The following KIAA1217 variants were observed in gnomAD, a reference collection of about 807,000 sequenced individuals.
The protein encoded by KIAA1217 is sickle tail protein homolog.
KIAA1217 carries 88 observed loss-of-function variants against 163.9 expected under a neutral mutation model. The ratio of observed to expected loss-of-function variants is 0.54; its 90% confidence interval spans 0.45 to 0.64. The LOEUF is 0.64. Among genes scored for constraint, KIAA1217 ranks in the 30% least tolerant of loss-of-function variants. The probability of loss-of-function intolerance (pLI) is 0.00; values close to 1 mark genes in which losing one functional copy is unlikely to be tolerated. For missense variants in KIAA1217, 2,372 were observed against 2,475.0 expected (o/e 0.96, Z 0.88); for synonymous variants, 903 against 923.1 (o/e 0.98, Z 0.39).
intron 2 of KIAA1217, among the ~76,000 whole-genome samples, chr10:24,050,697 GT>G (rs897872411): frequency 2.6e-5 from 4 of 152,204 alleles, no homozygotes; most frequent in South Asian, 2.1e-4. Flanking sequence ...TGCTGTTTTG[GT>G]TACTGTAGCC....
intron 1 of KIAA1217, among the ~76,000 whole-genome samples, chr10:23,751,387 A>G (rs1839730476): frequency 6.6e-6 from 1 of 152,180 alleles, no homozygotes; most frequent in Admixed American, 6.5e-5. Context: ...TGTTGTCTAG[A>G]AAGTTTATTC....
chr10:24,213,407 C>A (rs1165864727), intron 1 of KIAA1217, among the ~76,000 whole-genome samples: 1 of 152,184 alleles, frequency 6.6e-6, no homozygotes, highest in East Asian at 1.9e-4. Context: ...TTGCCTTCCC[C>A]ACTGTCTGAT....
chr10:24,203,049 G>T (rs1050485914), intron 2 of KIAA1217, among the ~76,000 whole-genome samples: 4 of 152,040 alleles, frequency 2.6e-5, no homozygotes, highest in Non-Finnish European at 5.9e-5. Context: ...AATTAGCCAG[G>T]CATGGTGGAG....
intron 3 of KIAA1217, among the ~76,000 whole-genome samples, chr10:24,394,454 GTT>G (rs60728682): frequency 6.6e-6 from 1 of 150,448 alleles, no homozygotes; most frequent in African/African-American, 2.4e-5. Flanking sequence ...GTTTTGTTTT[GTT>G]TTTTTTTAAT....
In KIAA1217 at chr10:23,736,706, C is replaced by T. The variant is rs566827621; in HGVS notation, c.-321+41472C>T. On this transcript the variant is annotated intron_variant, in intron 1 of 18. Coordinates refer to the KIAA1217 transcript ENST00000376462. ...CCTGGCTAATTTAAAAAAAAATTTT[C>T]GTAGAGATGGAGTCTTGCTGTGTTG... Among the ~76,000 whole-genome samples the T allele has an allele frequency of 7.9e-5, 12 of 152,094 alleles. No homozygotes were observed. In the South Asian group the frequency reaches 1.5e-3, roughly 18 times the overall value.
intron 2 of KIAA1217, among the ~76,000 whole-genome samples, chr10:24,100,322 G>T (rs1305099185): frequency 6.6e-6 from 1 of 152,150 alleles, no homozygotes; most frequent in East Asian, 1.9e-4. Flanking sequence ...CGACCCATTG[G>T]GTGTATGCAG....
intron 2 of KIAA1217, among the ~76,000 whole-genome samples, chr10:24,342,900 G>A (rs1422160391): frequency 2.0e-5 from 3 of 151,902 alleles, no homozygotes; most frequent in Admixed American, 6.6e-5. Context: ...TCGGGGATCC[G>A]CCGACCTCTG....
intron 2 of KIAA1217, among the ~76,000 whole-genome samples, chr10:24,139,578 G>T (rs952857731): frequency 6.6e-6 from 1 of 152,004 alleles, no homozygotes; most frequent in Non-Finnish European, 1.5e-5. Context: ...AAGTTTGATG[G>T]TCTACCCAGT....
intron 1 of KIAA1217, among the ~76,000 whole-genome samples, chr10:23,717,221 T>C (rs949986043): frequency 3.3e-5 from 5 of 152,186 alleles, no homozygotes; most frequent in Non-Finnish European, 5.9e-5. Context: ...TACTTGGTTG[T>C]CCCCTGTGCT....
intron 1 of KIAA1217, among the ~76,000 whole-genome samples, chr10:23,782,214 T>G (rs192310426): frequency 5.3e-4 from 80 of 152,292 alleles, no homozygotes; most frequent in Admixed American, 2.0e-3. Flanking sequence ...ATCTTTCCAT[T>G]TATGTGTATC....
intron 2 of KIAA1217, among the ~76,000 whole-genome samples, chr10:24,011,775 G>A (rs1847243937): frequency 6.6e-6 from 1 of 152,152 alleles, no homozygotes; most frequent in African/African-American, 2.4e-5. Context: ...GTGTTGGGTT[G>A]TTCCCGTGGG....
intron 2 of KIAA1217, among the ~76,000 whole-genome samples, chr10:24,064,789 T>A (rs969860026): frequency 5.9e-5 from 9 of 152,216 alleles, no homozygotes; most frequent in African/African-American, 1.9e-4. Flanking sequence ...TTTTGGTTAG[T>A]AAGCTCTTAA....
chr10:23,825,597 T>G (rs1837861157), intron 1 of KIAA1217, among the ~76,000 whole-genome samples: 1 of 152,220 alleles, frequency 6.6e-6, no homozygotes, highest in South Asian at 2.1e-4. Flanking sequence ...CAGAACTGGT[T>G]ATTTGATGAT....
intron 2 of KIAA1217, among the ~76,000 whole-genome samples, chr10:24,182,096 T>C (rs908753676): frequency 6.6e-6 from 1 of 152,216 alleles, no homozygotes; most frequent in African/African-American, 2.4e-5. Context: ...TGATGCTTAG[T>C]GATGCACTGA....
Position 24,547,166 on chromosome 10 carries a change from T to C in KIAA1217, c.*842T>C, listed in dbSNP as rs900745642. ...AGACCTGGTAACCCACGCTCTTGCA[T>C]TGTGGATTTTAAAATGTATACTCTG... On this transcript the variant is annotated 3_prime_UTR_variant, in exon 21 of 21. Transcript: ENST00000376454. 3.3e-5 allele frequency: 5 copies of C among 151,920 alleles called. No individual in the cohort carries two copies. Among genetic ancestry groups the C allele is most frequent in the African/African-American group, 1.2e-4 (5 of 41,332 alleles). The allele number at this position is 151,920 out of a possible 1,614,324, so 9.4% of individuals were successfully genotyped here.
At chr10:24,382,960 A>T (rs981456742) in intron 3 of KIAA1217, among the ~76,000 whole-genome samples, 13 of 149,008 alleles carry the variant, frequency 8.7e-5, no homozygotes, top group Non-Finnish European at 1.9e-4. Context: ...GGATCCTCCC[A>T]TCTCAGCCTT....
At chr10:23,800,357 G>A (rs1375982290) in intron 1 of KIAA1217, among the ~76,000 whole-genome samples, 3 of 152,036 alleles carry the variant, frequency 2.0e-5, no homozygotes, top group Non-Finnish European at 2.9e-5. Flanking sequence ...GACAAAATAC[G>A]GAAACTAGAG....
In KIAA1217 at chr10:24,437,906, C is replaced by CAA. The variant is rs58645832; in HGVS notation, c.753-462_753-461dup. On this transcript the variant is annotated intron_variant, in intron 4 of 20. Coordinates refer to ENST00000376454, the MANE Select transcript of KIAA1217 (RefSeq NM_019590.5). ...TTCAGTTGCCGAAAGTGTTTGAAGGCAAAAAAAAAAAAAAAAAAAGAAAAA... is the reference window on the plus strand; with the variant it reads ...TTCAGTTGCCGAAAGTGTTTGAAGGCAAAAAAAAAAAAAAAAAAAAAGAAAAA... Among the ~76,000 whole-genome samples the CAA allele has an allele frequency of 6.2e-3, 394 of 63,684 alleles. 13 individuals carry two copies. Among genetic ancestry groups the CAA allele is most frequent in the East Asian group, 0.023 (54 of 2,370 alleles). 41.8% of individuals were successfully genotyped at this position (63,684 alleles called of 152,430 possible).
At chr10:24,410,111 C>G (rs1462083762) in intron 3 of KIAA1217, among the ~76,000 whole-genome samples, 2 of 151,498 alleles carry the variant, frequency 1.3e-5, no homozygotes, top group African/African-American at 4.9e-5. Flanking sequence ...ATTCTCCTGC[C>G]TCAGCCTCCT....
Sources: gnomAD v4.1 joint callset for allele counts (sites outside exome capture counted in the v4.1 genomes callset) on GRCh38, gnomAD v4.1.1 for gene constraint, MANE v1.5 for transcripts, NCBI Gene and HGNC (gene_info 2026-07-23, HGNC 2026-07-21) for gene names.